Variants in TAFA5 observed in about 807,000 individuals in gnomAD.
TAFA5 encodes the protein chemokine-like protein TAFA-5.
In TAFA5, 6 loss-of-function variants were observed where a neutral mutation model predicts 15.3. That is an observed-to-expected ratio of 0.39 (90% CI 0.21 to 0.77). The LOEUF is 0.77. Ranked by LOEUF, TAFA5 falls within the 30% of genes least tolerant of loss-of-function variation. The pLI is 0.41. For synonymous variants in TAFA5, 103 were observed against 80.7 expected, an observed-to-expected ratio of 1.28 and a Z score of -1.48; for missense variants, 161 against 193.1, an observed-to-expected ratio of 0.83 and a Z score of 0.98.
chr22:48,696,272 T>C (rs77190224), intron 2 of TAFA5, among the ~76,000 whole-genome samples: 8,941 of 152,276 alleles, frequency 0.059, 730 homozygotes, highest in African/African-American at 0.18. Context: ...ACTCTGCGTT[T>C]ATGACCTTTC....
At chr22:48,500,361 T>G (rs1044512174) in intron 1 of TAFA5, among the ~76,000 whole-genome samples, 1 of 152,208 alleles carries the variant, frequency 6.6e-6, no homozygotes, top group Non-Finnish European at 1.5e-5. Flanking sequence ...GGATTTTGCT[T>G]GTAATTCACA....
At chr22:48,623,546 G>A (rs1464507957) in intron 1 of TAFA5, among the ~76,000 whole-genome samples, 4 of 152,222 alleles carry the variant, frequency 2.6e-5, no homozygotes, top group Admixed American at 6.5e-5. Context: ...GGTCCCTGGC[G>A]TGAGTTGGTG....
At position 48,688,156 on chromosome 22, in the gene TAFA5, G is replaced by T. The variant is rs571558898; in HGVS notation, c.263-19561G>T. 3.4e-3 allele frequency among the ~76,000 whole-genome samples: 511 copies of T among 151,716 alleles called. 3 individuals carry two copies. The highest frequency in any genetic ancestry group is 0.012 in the African/African-American group (478 of 41,326). The stretch of plus-strand genomic sequence containing the variant: ...TGATGACCCAGACTTGGAGGGTTTT[G>T]CACTGGCGCACCCTTCATAAAGGGA... On this transcript the variant is annotated intron_variant, in intron 2 of 3. Transcript: ENST00000402357.
chr22:48,520,537 C>T (rs1921567871), intron 1 of TAFA5, among the ~76,000 whole-genome samples: 1 of 152,228 alleles, frequency 6.6e-6, no homozygotes, highest in Non-Finnish European at 1.5e-5. Context: ...GGCCCCTGCA[C>T]CCAGCAGTGC....
intron 1 of TAFA5, chr22:48,544,470 G>A (rs546937087): frequency 3.5e-4 from 123 of 348,696 alleles, no homozygotes; most frequent in South Asian, 2.0e-3. Flanking sequence ...CAAGGCAGCC[G>A]TTTGTTGAAA....
chr22:48,540,858 C>T (rs1233604321), intron 1 of TAFA5, among the ~76,000 whole-genome samples: 1 of 143,642 alleles, frequency 7.0e-6, no homozygotes, highest in East Asian at 2.1e-4. Flanking sequence ...GCCTGTCAGA[C>T]CATTTTTCAT....
rs535195690 is a variant in TAFA5 at position 48,634,342 on chromosome 22, TCATTCACC to T, written c.113-12252_113-12245del. Among the ~76,000 whole-genome samples, 45 of 152,280 alleles carry T rather than the reference TCATTCACC, an allele frequency of 3.0e-4. 1 individual carries two copies. The East Asian group carries it at 3.7e-3, about 12-fold the overall frequency. The stretch of plus-strand genomic sequence containing the variant: ...TTCACTCACTTATTCAATCATTCAC[TCATTCACC>T]CACTCATCACTCATTCATTAACTCA... On this transcript the variant is annotated intron_variant, in intron 1 of 3. Coordinates refer to ENST00000402357, the MANE Select transcript of TAFA5 (RefSeq NM_001082967.3).
At chr22:48,616,027 G>A (rs944000959) in intron 1 of TAFA5, among the ~76,000 whole-genome samples, 33 of 152,232 alleles carry the variant, frequency 2.2e-4, no homozygotes, top group Admixed American at 2.1e-3. Context: ...CGTCCCTACT[G>A]GTTCTGTGGG....
rs1249457366 is a variant in TAFA5 at position 48,490,545 on chromosome 22, G to A, written c.112+841G>A. 6.6e-6 allele frequency among the ~76,000 whole-genome samples: 1 copy of A among 151,854 alleles called. No homozygotes were observed. The highest frequency in any genetic ancestry group is 1.5e-5 in the Non-Finnish European group (1 of 67,940). ...CCCGGGTGCAGACTCCAGCCTCGGC[G>A]CTGGGGAGGGTGCTCAGCATCCCGG... On this transcript the variant is annotated intron_variant, in intron 1 of 3. Transcript: ENST00000402357. This position sits in a 1 kb window ranked among gnomAD's most constrained non-coding sequence, Gnocchi z 5.8.
At chr22:48,639,630 C>T (rs1416628524) in intron 1 of TAFA5, among the ~76,000 whole-genome samples, 1 of 152,168 alleles carries the variant, frequency 6.6e-6, no homozygotes, top group Non-Finnish European at 1.5e-5. Context: ...TCTATGCCCA[C>T]CTGAAGCCAC....
intron 3 of TAFA5, among the ~76,000 whole-genome samples, chr22:48,747,943 G>A (rs551024963): frequency 6.6e-6 from 1 of 151,628 alleles, no homozygotes; most frequent in South Asian, 2.1e-4. Context: ...CATACAGCAG[G>A]CTCCTCCTGA....
In TAFA5 at chr22:48,742,666, G is replaced by A. The variant is rs112905808; in HGVS notation, c.391-7173G>A. ...CGGGCCGCATGGTGGACCAGGCAAC[G>A]TGGTAGACCGGGCAGTGTGATGGAC... is the stretch of plus-strand genomic sequence containing the variant. On this transcript the variant is annotated intron_variant, in intron 3 of 3. Coordinates refer to ENST00000402357, the MANE Select transcript of TAFA5 (RefSeq NM_001082967.3). This position sits in a 1 kb window ranked among gnomAD's most constrained non-coding sequence, Gnocchi z 6.2. 0.025 allele frequency among the ~76,000 whole-genome samples: 3,789 copies of A among 152,216 alleles called. 150 individuals carry two copies. Among genetic ancestry groups the A allele is most frequent in the African/African-American group, 0.087 (3,602 of 41,516 alleles).
chr22:48,635,453 C>T (rs1188076848), intron 1 of TAFA5, among the ~76,000 whole-genome samples: 3 of 152,222 alleles, frequency 2.0e-5, no homozygotes, highest in Admixed American at 1.3e-4. Flanking sequence ...AGTCCCTACC[C>T]AGGGGGCCCA....
intron 2 of TAFA5, among the ~76,000 whole-genome samples, chr22:48,654,253 A>G (rs1927157140): frequency 1.3e-5 from 2 of 152,060 alleles, no homozygotes; most frequent in East Asian, 1.9e-4. Flanking sequence ...GAGGCCAGAC[A>G]CCTGGGCTGG....
chr22:48,689,702 T>TGGGCC (rs1928478371), intron 2 of TAFA5, among the ~76,000 whole-genome samples: 1 of 152,038 alleles, frequency 6.6e-6, no homozygotes, highest in African/African-American at 2.4e-5. Context: ...CCCAGCTCCC[T>TGGGCC]GGGCCAGCCC....
intron 1 of TAFA5, among the ~76,000 whole-genome samples, chr22:48,559,245 C>T (rs1923144444): frequency 6.6e-6 from 1 of 152,184 alleles, no homozygotes. Flanking sequence ...CACTGGGCTG[C>T]CCCGCAGCAG....
At chr22:48,647,702 G>A (rs888512555) in intron 2 of TAFA5, among the ~76,000 whole-genome samples, 1 of 145,036 alleles carries the variant, frequency 6.9e-6, no homozygotes, top group Admixed American at 6.9e-5. Flanking sequence ...GCAGACATGG[G>A]GGCTGCCATG....
chr22:48,716,544 G>A (rs1368404943), intron 3 of TAFA5, among the ~76,000 whole-genome samples: 4 of 152,160 alleles, frequency 2.6e-5, no homozygotes, highest in South Asian at 2.1e-4. Context: ...GGGAGGGAAA[G>A]CATTAGGACA....
chr22:48,527,335 C>T (rs1453244195), intron 1 of TAFA5, among the ~76,000 whole-genome samples: 1 of 152,262 alleles, frequency 6.6e-6, no homozygotes, highest in African/African-American at 2.4e-5. Flanking sequence ...TCTTACAGCG[C>T]AGCTGGTACT....
Sources: allele counts gnomAD v4.1 joint callset (sites outside exome capture counted in the v4.1 genomes callset), GRCh38; gene constraint gnomAD v4.1.1; non-coding constraint Gnocchi (gnomAD v3.1); transcripts MANE v1.5; gene names NCBI Gene and HGNC (gene_info 2026-07-23, HGNC 2026-07-21).